The following ABCA13 variants were observed in gnomAD, a reference collection of about 807,000 sequenced individuals.
ABCA13 encodes the protein ATP binding cassette subfamily A member 13, also known as ATP-binding cassette sub-family A member 13.
Under a neutral mutation model 478.7 loss-of-function variants are expected in ABCA13, and 476 were observed. That is an observed-to-expected ratio of 0.99 (90% CI 0.92 to 1.07). The LOEUF (loss-of-function observed/expected upper bound fraction) is 1.07, where lower values mean the gene tolerates loss of function less well. Among genes scored for constraint, ABCA13 ranks in the 50% least tolerant of loss-of-function variants. The pLI is 0.00. For synonymous variants in ABCA13, 2,252 were observed against 2,158.9 expected (o/e 1.04, Z -1.20); for missense variants, 6,060 against 5,910.6 (o/e 1.03, Z -0.83).
At chr7:48,297,461 A>G in intron 22 of ABCA13, 150 bp downstream of exon 22, 1 of 800,066 alleles carries the variant, frequency 1.2e-6, no homozygotes, top group Non-Finnish European at 1.9e-6. Context: ...TGTATTTGGC[A>G]TTTATAAAGA....
At position 48,520,023 on chromosome 7, in the gene ABCA13, CT is replaced by C. The variant is rs761450742; in HGVS notation, c.13798-11del. On this transcript the variant is annotated splice_polypyrimidine_tract_variant and intron_variant, in intron 52 of 61. Coordinates refer to ENST00000435803, the MANE Select transcript of ABCA13 (RefSeq NM_152701.5). ...AATAGCTTTTAATTGGATTTTTTTTCTTTTTTTCACTGTGCAGAATTTACAG... is the reference window on the plus strand; with the variant it reads ...AATAGCTTTTAATTGGATTTTTTTTCTTTTTTCACTGTGCAGAATTTACAG... 8.3e-6 allele frequency: 13 copies of C among 1,568,816 alleles called. No homozygotes were observed. Among genetic ancestry groups the C allele is most frequent in the African/African-American group, 8.2e-5 (6 of 72,764 alleles).
intron 58 of ABCA13, among the ~76,000 whole-genome samples, chr7:48,608,772 A>G (rs1304925980): frequency 6.6e-6 from 1 of 152,190 alleles, no homozygotes; most frequent in Non-Finnish European, 1.5e-5. Context: ...TCTTATCCTA[A>G]GTTTAGCAAT....
Position 48,403,805 on chromosome 7 carries a change from T to C in ABCA13, c.11996T>C (p.Leu3999Pro), listed in dbSNP as rs1272115517. 6.2e-7 allele frequency: 1 copy of C among 1,613,954 alleles called. No homozygotes were observed. Residue 3999 changes from leucine (L) to proline (P), a missense_variant, in exon 39 of 62, where the codon CTG (leucine) becomes CCG (proline). Leu to Pro is a moderately conservative substitution (Grantham distance 98). Coordinates refer to ENST00000435803, the MANE Select transcript of ABCA13 (RefSeq NM_152701.5). ...AFMGMSRTVV[L>P]DEPTSGVDPC... ...ATGGGCATGTCGAGGACCGTGGTTC[T>C]GGATGAGCCCACCAGTGGGGTGGAC...
At chr7:48,255,898 G>A (rs7785405) in intron 15 of ABCA13, among the ~76,000 whole-genome samples, 41,160 of 151,994 alleles carry the variant, frequency 0.27, 6,316 homozygotes, top group Non-Finnish European at 0.36. Context: ...TGTTTTCCAC[G>A]ATGTTGATCT....
chr7:48,532,885 C>A (rs1322607572), intron 55 of ABCA13, among the ~76,000 whole-genome samples: 1 of 151,640 alleles, frequency 6.6e-6, no homozygotes, highest in African/African-American at 2.4e-5. Flanking sequence ...TTATTTGAAT[C>A]TTCTCTCTTC....
chr7:48,227,727 T>C (rs1437223926), intron 6 of ABCA13, among the ~76,000 whole-genome samples: 1 of 152,266 alleles, frequency 6.6e-6, no homozygotes, highest in East Asian at 1.9e-4. Context: ...GGCTGCAGCA[T>C]ATATCATTCT....
In ABCA13 at chr7:48,644,721, G is replaced by A; in HGVS notation, c.15048G>A (p.Lys5016=). The change falls in exon 61 of 62, where the codon AAG becomes AAA. Residue 5016 remains lysine (K), a synonymous_variant. Coordinates refer to ENST00000435803, the MANE Select transcript of ABCA13 (RefSeq NM_152701.5). ...ACAATAAAACCTTCTTGAATATTAA[G>A]CATTATTCCATTAACCAAACCACTT... ...IENNKTFLNI[K]HYSINQTTLE... is the part of the protein sequence containing the mutation. 2 of 1,604,222 alleles carry A rather than the reference G, an allele frequency of 1.2e-6. No homozygotes were observed. The highest frequency in any genetic ancestry group is 8.5e-7 in the Non-Finnish European group (1 of 1,177,490).
At chr7:48,350,249 T>A (rs180994364) in intron 29 of ABCA13, among the ~76,000 whole-genome samples, 2 of 152,190 alleles carry the variant, frequency 1.3e-5, no homozygotes, top group Non-Finnish European at 2.9e-5. Context: ...GTGTTTTTTT[T>A]AGAATTGCTT....
At position 48,279,557 on chromosome 7, in the gene ABCA13, A is replaced by T; in HGVS notation, c.8363A>T (p.Asp2788Val). ...VLEASSGIKSDYEGDLNKSLY... is the reference protein window; with the variant it reads ...VLEASSGIKSVYEGDLNKSLY... ...GAGGCCTCCAGTGGAATTAAAAGTG[A>T]CTATGAAGGTGATTTGAATAAAAGT... The change falls in exon 18 of 62, where the codon GAC becomes GTC. Residue 2788 changes from aspartate (D) to valine (V), a missense_variant. Physicochemically the swap from Asp to Val is radical, Grantham distance 152. This residue lies in a region of ABCA13 where 4,423 missense variants were observed against 4,309.1 expected (regional missense o/e 1.03). Coordinates refer to ENST00000435803, the MANE Select transcript of ABCA13 (RefSeq NM_152701.5). 6.2e-7 allele frequency: 1 copy of T among 1,613,542 alleles called. No individual in the cohort carries two copies.
chr7:48,487,028 T>C (rs6958584), intron 47 of ABCA13, among the ~76,000 whole-genome samples: 63,799 of 151,938 alleles, frequency 0.42, 15,119 homozygotes, highest in African/African-American at 0.64. Context: ...ACAGAAGTTT[T>C]GGCCCGGTGC....
intron 55 of ABCA13, among the ~76,000 whole-genome samples, chr7:48,536,792 G>T (rs1350253351): frequency 6.6e-6 from 1 of 151,816 alleles, no homozygotes; most frequent in Non-Finnish European, 1.5e-5. Flanking sequence ...ATTTTTGTTA[G>T]ATTTTTAATA....
intron 38 of ABCA13, among the ~76,000 whole-genome samples, chr7:48,397,335 C>G (rs1816973862): frequency 6.6e-6 from 1 of 152,064 alleles, no homozygotes; most frequent in South Asian, 2.1e-4. Flanking sequence ...TTTTAGGGAG[C>G]ACAGCAAGTT....
rs908882541 is a variant in ABCA13 at position 48,455,074 on chromosome 7, C to T, written c.12603C>T (p.Val4201=). 6 of 1,543,450 alleles carry T rather than the reference C, an allele frequency of 3.9e-6. No individual in the cohort carries two copies. The highest frequency in any genetic ancestry group is 1.8e-4 in the Middle Eastern group (1 of 5,650). The change falls in exon 43 of 62, where the codon GTC becomes GTT. Residue 4201 remains valine, a synonymous_variant. Transcript: ENST00000435803. The part of the protein sequence containing the change: ...SLARPATVQG[V]QLLRAQVAAI... Reference sequence around the variant, plus strand: ...CACGGCCCGCAACTGTGCAGGGCGTCCAGCTGCTCCGCGCACAAGTGGCCG... The same window carrying T: ...CACGGCCCGCAACTGTGCAGGGCGTTCAGCTGCTCCGCGCACAAGTGGCCG...
chr7:48,347,831 C>G (rs941130870), intron 29 of ABCA13, among the ~76,000 whole-genome samples: 1 of 152,242 alleles, frequency 6.6e-6, no homozygotes, highest in Non-Finnish European at 1.5e-5. Context: ...AACCGTTATA[C>G]TAGGAAATAG....
chr7:48,444,593 C>T (rs1824037946), intron 42 of ABCA13, among the ~76,000 whole-genome samples: 1 of 152,140 alleles, frequency 6.6e-6, no homozygotes, highest in African/African-American at 2.4e-5. Context: ...TAGAGTTCTA[C>T]CATGCTCAGG....
chr7:48,289,312 G>A (rs1351508781), intron 20 of ABCA13, among the ~76,000 whole-genome samples: 1 of 149,378 alleles, frequency 6.7e-6, no homozygotes, highest in African/African-American at 2.5e-5. Context: ...GCAGATCTTT[G>A]TCAGGTATTA....
At chr7:48,376,035 A>G (rs1813424394) in intron 34 of ABCA13, among the ~76,000 whole-genome samples, 1 of 152,292 alleles carries the variant, frequency 6.6e-6, no homozygotes, top group East Asian at 1.9e-4. Flanking sequence ...TAGTTCTTAT[A>G]TATCCTATTA....
chr7:48,272,505 C>T lies in ABCA13; in HGVS notation c.2839C>T (p.His947Tyr). The T allele has an allele frequency of 6.2e-7, 1 of 1,613,786 alleles. No homozygotes were observed. Among genetic ancestry groups the T allele is most frequent in the East Asian group, 2.2e-5 (1 of 44,862 alleles). The change falls in exon 17 of 62, where the codon CAC (histidine) becomes TAC (tyrosine). Residue 947 changes from histidine (H) to tyrosine (Y), a missense_variant. Physicochemically the swap from His to Tyr is moderately conservative, Grantham distance 83. This residue lies in a region of ABCA13 where 4,423 missense variants were observed against 4,309.1 expected (regional missense o/e 1.03). Transcript: ENST00000435803. ...ACAAGAAGTTGATAAAATTTTGACT[C>T]ACATACACCTAAATGTCTTCCAGGA... ...QKQEVDKILT[H>Y]IHLNVFQDKD...
At chr7:48,294,474 C>T (rs1438235079) in intron 20 of ABCA13, among the ~76,000 whole-genome samples, 3 of 134,872 alleles carry the variant, frequency 2.2e-5, no homozygotes, top group African/African-American at 5.5e-5. Context: ...GAGTCTCGCT[C>T]TGTCGCCCAG....
Sources: gnomAD v4.1 joint callset for allele counts (sites outside exome capture counted in the v4.1 genomes callset) on GRCh38, gnomAD v4.1.1 for gene constraint, gnomAD v4.1.1 regional missense constraint, MANE v1.5 for transcripts, NCBI Gene and HGNC (gene_info 2026-07-23, HGNC 2026-07-21) for gene names.